Variants in PPP2R1B observed in about 807,000 individuals in gnomAD.
PPP2R1B encodes protein phosphatase 2 scaffold subunit Abeta.
A neutral mutation model predicts 72.7 loss-of-function variants in PPP2R1B; 58 were observed. That is an observed-to-expected ratio of 0.80 (90% CI 0.65 to 0.99). The LOEUF (loss-of-function observed/expected upper bound fraction) is 0.99. Among genes scored for constraint, PPP2R1B ranks in the 50% least tolerant of loss-of-function variants. The probability of loss-of-function intolerance (pLI) is 0.00; values close to 1 mark genes in which losing one functional copy is unlikely to be tolerated. For missense variants in PPP2R1B, 695 were observed against 733.6 expected, an observed-to-expected ratio of 0.95 and a Z score of 0.61; for synonymous variants, 256 against 264.6, an observed-to-expected ratio of 0.97 and a Z score of 0.32.
the PPP2R1B span, among the ~76,000 whole-genome samples, chr11:111,697,793 C>T: frequency 4.6e-5 from 7 of 151,798 alleles, no homozygotes; most frequent in African/African-American, 1.7e-4. Context: ...GAGTTTAAGA[C>T]CAGCCTACAC....
In PPP2R1B at chr11:111,739,238, G is replaced by A. The variant is rs1306561737; in HGVS notation, c.*2358C>T. 10 of 972,322 alleles carry A rather than the reference G, an allele frequency of 1.0e-5. No individual in the cohort carries two copies. In the African/African-American group the frequency reaches 1.4e-4, roughly 14 times the overall value. 60.2% of individuals were successfully genotyped at this position (972,322 alleles called of 1,614,324 possible). A position where few individuals can be genotyped will look rare whatever the true frequency, so the allele number is the denominator to read the frequency against. ...ACCAGACACTGTTCCAGGCACTGGC[G>A]ATACAGTAGAAGATAAAACAGACAA... On this transcript the variant is annotated 3_prime_UTR_variant, in exon 15 of 15. Coordinates refer to ENST00000527614, the MANE Select transcript of PPP2R1B (RefSeq NM_002716.5).
the PPP2R1B span, among the ~76,000 whole-genome samples, chr11:111,697,386 C>T: frequency 6.6e-6 from 1 of 152,082 alleles, no homozygotes; most frequent in Non-Finnish European, 1.5e-5. Flanking sequence ...GAATGTTGTC[C>T]CCCATTCCCT....
chr11:111,738,660 C>T lies in PPP2R1B; in HGVS notation c.*2936G>A, dbSNP rs780087208. Reference sequence around the variant, plus strand: ...GTATTTCTGTGAGCTGAGGGCAGCCCGTTATTTCAACAAGACCTCGTTAGA... The same window carrying T: ...GTATTTCTGTGAGCTGAGGGCAGCCTGTTATTTCAACAAGACCTCGTTAGA... On this transcript the variant is annotated 3_prime_UTR_variant, in exon 15 of 15. Transcript: ENST00000527614. 20 of 985,258 alleles carry T rather than the reference C, an allele frequency of 2.0e-5. No homozygotes were observed. The highest frequency in any genetic ancestry group is 1.4e-4 in the African/African-American group (8 of 57,200). The allele number at this position is 985,258 out of a possible 1,614,324, so 61.0% of individuals were successfully genotyped here.
At chr11:111,705,638 C>T in the PPP2R1B span, among the ~76,000 whole-genome samples, 125 of 152,280 alleles carry the variant, frequency 8.2e-4, 4 homozygotes, top group East Asian at 0.024. This position sits in a 1 kb window ranked among gnomAD's most constrained non-coding sequence, Gnocchi z 4.3. Flanking sequence ...ATGTAAGACA[C>T]ATCTTCACAG....
chr11:111,709,110 C>T, the PPP2R1B span, among the ~76,000 whole-genome samples: 2 of 152,190 alleles, frequency 1.3e-5, no homozygotes, highest in Admixed American at 6.5e-5. Context: ...TCTCACAGTT[C>T]GGGAGGCCGG....
rs1041578135 is a variant in PPP2R1B, at chr11:111,727,162, A to G, written c.1912-105T>C. On this transcript the variant is annotated intron_variant, in intron 15 of 15. Coordinates refer to the PPP2R1B transcript ENST00000311129. Reference sequence around the variant, plus strand: ...CTGCCCCCTCGCCACCTCTGCCTGCACTGCCTTCTGTCACCGTGGGAAAAG... The same window carrying G: ...CTGCCCCCTCGCCACCTCTGCCTGCGCTGCCTTCTGTCACCGTGGGAAAAG... 5.5e-6 allele frequency: 5 copies of G among 905,716 alleles called. No individual in the cohort carries two copies. The African/African-American group carries it at 8.2e-5, about 15-fold the overall frequency. The allele number at this position is 905,716 out of a possible 1,614,324, so 56.1% of individuals were successfully genotyped here.
chr11:111,720,054 CT>C, the PPP2R1B span: 1 of 1,545,362 alleles, frequency 6.5e-7, no homozygotes, highest in Non-Finnish European at 8.8e-7. Flanking sequence ...TCATGTCATA[CT>C]CCAATTGCCA....
the PPP2R1B span, chr11:111,701,088 C>G: frequency 6.5e-7 from 1 of 1,536,544 alleles, no homozygotes; most frequent in African/African-American, 1.4e-5. This position sits in a 1 kb window ranked among gnomAD's most constrained non-coding sequence, Gnocchi z 4.2. Flanking sequence ...TTAGAAGCTC[C>G]TGGTACTTAA....
chr11:111,732,984 G>C (rs1433140481), downstream of PPP2R1B, among the ~76,000 whole-genome samples: 1 of 152,188 alleles, frequency 6.6e-6, no homozygotes, highest in Non-Finnish European at 1.5e-5. Context: ...AATCATCCTG[G>C]ACAACGTCCC....
At chr11:111,755,503 C>G (rs958518720) in intron 5 of PPP2R1B, 53 bp from the exon 6 acceptor site, 1 of 1,534,568 alleles carries the variant, frequency 6.5e-7, no homozygotes, top group African/African-American at 1.4e-5. Context: ...CCATGGGGAA[C>G]TGCTGTGGGG....
intron 1 of PPP2R1B, among the ~76,000 whole-genome samples, 187 bp from the exon 2 acceptor site, chr11:111,765,571 CCGG>C (rs1945496037): frequency 6.6e-6 from 1 of 152,136 alleles, no homozygotes; most frequent in East Asian, 1.9e-4. Context: ...GCCTCACTAG[CCGG>C]CGGAGGATTT....
At position 111,742,772 on chromosome 11, in the gene PPP2R1B, T is replaced by C. The variant is rs772606388; in HGVS notation, c.1555-107A>G. On this transcript the variant is annotated intron_variant, in intron 12 of 14. Transcript: ENST00000527614. ...AAAATAATTGACCAATAGGAAAATA[T>C]TTCTAGTTTGAGCAGCTGAGTGGGG... 3.1e-4 allele frequency: 349 copies of C among 1,127,604 alleles called. 1 individual carries two copies. Among genetic ancestry groups the C allele is most frequent in the Non-Finnish European group, 3.8e-4 (319 of 842,904 alleles). The allele number at this position is 1,127,604 out of a possible 1,614,324, so 69.8% of individuals were successfully genotyped here.
At chr11:111,721,490 C>T in the PPP2R1B span, among the ~76,000 whole-genome samples, 5 of 152,216 alleles carry the variant, frequency 3.3e-5, no homozygotes, top group African/African-American at 1.2e-4. Context: ...ACTAAAAATA[C>T]AATAAATACT....
the PPP2R1B span, among the ~76,000 whole-genome samples, chr11:111,698,154 T>G: frequency 6.6e-6 from 1 of 152,222 alleles, no homozygotes; most frequent in Non-Finnish European, 1.5e-5. Flanking sequence ...ATATTCATAT[T>G]ACCTACAGAA....
At chr11:111,717,918 G>A in the PPP2R1B span, among the ~76,000 whole-genome samples, 2 of 152,234 alleles carry the variant, frequency 1.3e-5, no homozygotes, top group East Asian at 3.9e-4. Context: ...GGGCCTGTTA[G>A]GGGGGCAATG....
chr11:111,760,738 C>G (rs1309808661), intron 4 of PPP2R1B, 81 bp downstream of exon 4: 3 of 1,267,272 alleles, frequency 2.4e-6, no homozygotes, highest in Non-Finnish European at 3.4e-6. Flanking sequence ...TTGTCAGCTA[C>G]AAGTCCCCAG....
At chr11:111,756,897 T>G (rs1945141054) in intron 5 of PPP2R1B, among the ~76,000 whole-genome samples, 4 of 152,010 alleles carry the variant, frequency 2.6e-5, no homozygotes. Context: ...GCGGATCACC[T>G]GAGGTCAAGA....
intron 11 of PPP2R1B, among the ~76,000 whole-genome samples, chr11:111,747,137 C>T (rs1443102245): frequency 6.6e-6 from 1 of 152,158 alleles, no homozygotes; most frequent in African/African-American, 2.4e-5. Context: ...TCCACCAAAA[C>T]ATGGAAACAA....
At chr11:111,764,312 G>A (rs527519127) in intron 3 of PPP2R1B, among the ~76,000 whole-genome samples, 1 of 151,880 alleles carries the variant, frequency 6.6e-6, no homozygotes, top group African/African-American at 2.4e-5. Context: ...CTCCTGAGTA[G>A]CTGGTACTAC....
Sources: allele counts gnomAD v4.1 joint callset (sites outside exome capture counted in the v4.1 genomes callset), GRCh38; gene constraint gnomAD v4.1.1; non-coding constraint Gnocchi (gnomAD v3.1); transcripts MANE v1.5; gene names NCBI Gene and HGNC (gene_info 2026-07-23, HGNC 2026-07-21).